KCNH4: variants seen among roughly 807,000 people sequenced by gnomAD.
KCNH4 encodes potassium voltage-gated channel subfamily H member 4.
KCNH4 carries 33 observed loss-of-function variants against 90.7 expected under a neutral mutation model. The ratio of observed to expected loss-of-function variants is 0.36; its 90% CI spans 0.28 to 0.49. KCNH4 has a LOEUF of 0.49. KCNH4 is among the 20% of genes least tolerant of loss of function. The pLI is 0.98. For synonymous variants in KCNH4, 551 were observed against 581.7 expected, an observed-to-expected ratio of 0.95 and a Z score of 0.76; for missense variants, 1,044 against 1,387.1, an observed-to-expected ratio of 0.75 and a Z score of 3.93.
intron 15 of KCNH4, among the ~76,000 whole-genome samples, chr17:42,160,735 C>A (rs55911304): frequency 6.6e-6 from 1 of 152,172 alleles, no homozygotes; most frequent in Non-Finnish European, 1.5e-5. Context: ...CCTTATTATT[C>A]TCAGCTGATC....
Position 42,178,925 on chromosome 17 carries a change from C to T in KCNH4, c.178G>A (p.Val60Ile), listed in dbSNP as rs753942989. ...CELTGYGRTE[V>I]MQKTCSCRFL... ...CGGCAGCTGCAGGTCTTCTGCATGA[C>T]CTCGGTGCGACCGTAGCCTGTGAGC... is the stretch of plus-strand genomic sequence containing the variant. Residue 60 changes from valine (V) to isoleucine (I), a missense_variant, in exon 2 of 17, where the codon GTC (valine) becomes ATC (isoleucine). By Grantham distance (29) the Val-to-Ile change is conservative. Coordinates refer to ENST00000264661, the MANE Select transcript of KCNH4 (RefSeq NM_012285.3). The T allele has an allele frequency of 2.5e-6, 4 of 1,614,238 alleles. No homozygotes were observed. The highest frequency in any genetic ancestry group is 3.4e-6 in the Non-Finnish European group (4 of 1,180,054).
intron 9 of KCNH4, 137 bp from the exon 10 acceptor site, chr17:42,166,683 A>G: frequency 9.1e-7 from 1 of 1,100,824 alleles, no homozygotes; most frequent in Non-Finnish European, 1.3e-6. Flanking sequence ...CTTCAGTACA[A>G]CCTCTGTGTC....
At position 42,166,492 on chromosome 17, in the gene KCNH4, G is replaced by T. The variant is rs1407733435; in HGVS notation, c.1645C>A (p.Arg549=). The T allele has an allele frequency of 3.1e-6, 5 of 1,614,038 alleles. No homozygotes were observed. The highest frequency in any genetic ancestry group is 1.1e-5 in the South Asian group (1 of 91,072). The change falls in exon 10 of 17, where the codon CGG becomes AGG. Residue 549 remains arginine (R), a synonymous_variant. Coordinates refer to ENST00000264661, the MANE Select transcript of KCNH4 (RefSeq NM_012285.3). ...LRADIAMHLN[R]EILQLPLFGA... The stretch of plus-strand genomic sequence containing the variant: ...AACAACGGCAGCTGCAGGATCTCCC[G>T]ATTCAGGTGCATAGCAATGTCAGCT...
In KCNH4 at chr17:42,166,441, G is replaced by A; in HGVS notation, c.1696C>T (p.Arg566Trp). Residue 566 changes from arginine to tryptophan, a missense_variant, in exon 10 of 17, where the codon CGG (arginine) becomes TGG (tryptophan). Around this residue, in one of 4 missense-constraint regions of KCNH4, gnomAD observed 318 missense variants for 479.6 expected, o/e 0.66. Coordinates refer to ENST00000264661, the MANE Select transcript of KCNH4 (RefSeq NM_012285.3). ...GTCTTGATGTGCAGCGATAGGGCCCGCAGGCAGCCCCTGCTCGCTGCCCCG... is the reference window on the plus strand; with the variant it reads ...GTCTTGATGTGCAGCGATAGGGCCCACAGGCAGCCCCTGCTCGCTGCCCCG... Reference protein sequence around the residue: ...LFGAASRGCLRALSLHIKTSF... With the variant: ...LFGAASRGCLWALSLHIKTSF... 3 of 1,614,118 alleles carry A rather than the reference G, an allele frequency of 1.9e-6. No homozygotes were observed. The highest frequency in any genetic ancestry group is 2.5e-6 in the Non-Finnish European group (3 of 1,179,980).
rs147580890 is a variant in KCNH4, at chr17:42,167,467, T to C, written c.1591-921A>G. ...TTTTAGTAGAGACGGGGTTTCACCA[T>C]GTTGGCCAGGCTGGTCTCAAACTCC... On this transcript the variant is annotated intron_variant, in intron 9 of 16. Coordinates refer to ENST00000264661, the MANE Select transcript of KCNH4 (RefSeq NM_012285.3). Among the ~76,000 whole-genome samples the C allele has an allele frequency of 7.8e-3, 1,193 of 152,240 alleles. 17 individuals carry two copies. The highest frequency in any genetic ancestry group is 0.027 in the African/African-American group (1,133 of 41,540).
chr17:42,165,345 TG>T, intron 11 of KCNH4, 103 bp downstream of exon 11: 1 of 1,414,360 alleles, frequency 7.1e-7, no homozygotes, highest in East Asian at 2.3e-5. Context: ...GCTTCAGGCA[TG>T]TGTTTTTAGG....
chr17:42,158,705 G>C (rs1450030080), intron 16 of KCNH4, among the ~76,000 whole-genome samples: 1 of 150,124 alleles, frequency 6.7e-6, no homozygotes, highest in Non-Finnish European at 1.5e-5. Flanking sequence ...TGTGGTGGCG[G>C]GCGCCTGTAG....
chr17:42,176,832 T>TGG (rs2079865627), intron 4 of KCNH4, among the ~76,000 whole-genome samples: 1 of 152,080 alleles, frequency 6.6e-6, no homozygotes, highest in Non-Finnish European at 1.5e-5. Context: ...CCCAGGCCCC[T>TGG]GTTTGAACCA....
intron 14 of KCNH4, among the ~76,000 whole-genome samples, chr17:42,162,530 T>C (rs2079756174): frequency 1.3e-5 from 2 of 152,138 alleles, no homozygotes; most frequent in South Asian, 4.1e-4. Flanking sequence ...CCCATCTTGG[T>C]ACGGAGCTTC....
intron 11 of KCNH4, among the ~76,000 whole-genome samples, 199 bp downstream of exon 11, chr17:42,165,250 C>G (rs1050053258): frequency 6.6e-6 from 1 of 151,868 alleles, no homozygotes; most frequent in Non-Finnish European, 1.5e-5. Context: ...TGAGAGACGG[C>G]CAGGGGCCTG....
In KCNH4 at chr17:42,169,987, G is replaced by A. The variant is rs1021643414; in HGVS notation, c.1390+120C>T. The A allele has an allele frequency of 6.2e-5, 66 of 1,056,112 alleles. 1 individual carries two copies. In the African/African-American group the frequency reaches 8.4e-4, roughly 13 times the overall value. 65.4% of individuals were successfully genotyped at this position (1,056,112 alleles called of 1,614,324 possible). ...TCAGGAAACGTCCGTGAATGAATGC[G>A]TGACTGTCTGGACTTGGGTAGACAC... On this transcript the variant is annotated intron_variant, in intron 8 of 16. Transcript: ENST00000264661.
chr17:42,178,009 G>C (rs993626371), intron 4 of KCNH4, 91 bp downstream of exon 4: 1 of 1,524,594 alleles, frequency 6.6e-7, no homozygotes, highest in Non-Finnish European at 8.9e-7. Context: ...AGGGACACCA[G>C]ACAGACAGGG....
chr17:42,171,826 C>A lies in KCNH4; in HGVS notation c.1157G>T (p.Arg386Leu). ...CAGCGGGTCATTGGCCTCCATCTCC[C>A]GGCGCCCGATGACATACCAGATGCA... The part of the protein sequence containing the change: ...MACIWYVIGR[R>L]EMEANDPLLW... Residue 386 changes from arginine to leucine, a missense_variant, in exon 7 of 17, where the codon CGG becomes CTG. By Grantham distance (102) the Arg-to-Leu change is moderately radical. This residue lies in a region of KCNH4 where 318 missense variants were observed against 479.6 expected (regional missense o/e 0.66). Coordinates refer to ENST00000264661, the MANE Select transcript of KCNH4 (RefSeq NM_012285.3). 6.2e-7 allele frequency: 1 copy of A among 1,614,078 alleles called. No individual in the cohort carries two copies. Among genetic ancestry groups the A allele is most frequent in the Non-Finnish European group, 8.5e-7 (1 of 1,180,010 alleles).
At chr17:42,164,786 A>AGCCAGAC (rs1480947249) in intron 11 of KCNH4, among the ~76,000 whole-genome samples, 1 of 149,364 alleles carries the variant, frequency 6.7e-6, no homozygotes. Flanking sequence ...TGGGTGACAG[A>AGCCAGAC]GCCAGACTGT....
intron 15 of KCNH4, among the ~76,000 whole-genome samples, chr17:42,160,701 G>A (rs2079740500): frequency 6.6e-6 from 1 of 152,190 alleles, no homozygotes. Context: ...TGCTCAAAGA[G>A]GCCACACATC....
intron 7 of KCNH4, 89 bp downstream of exon 7, chr17:42,171,699 A>C (rs569969077): frequency 2.7e-6 from 3 of 1,118,632 alleles, no homozygotes; most frequent in Non-Finnish European, 4.1e-6. Flanking sequence ...GGAATGTGGG[A>C]TGAGGGGTGT....
At chr17:42,176,364 A>AG in intron 4 of KCNH4, 67 bp from the exon 5 acceptor site, 1 of 1,356,216 alleles carries the variant, frequency 7.4e-7, no homozygotes, top group Non-Finnish European at 1.0e-6. Flanking sequence ...GGGGTGGGAA[A>AG]GGCAGGGGAT....
Position 42,180,852 on chromosome 17 carries a change from G to A in KCNH4, c.76+18C>T, listed in dbSNP as rs1200944589. 1.2e-6 allele frequency: 2 copies of A among 1,613,010 alleles called. No homozygotes were observed. The highest frequency in any genetic ancestry group is 1.7e-6 in the Non-Finnish European group (2 of 1,179,240). On this transcript the variant is annotated intron_variant, in intron 1 of 16. Coordinates refer to ENST00000264661, the MANE Select transcript of KCNH4 (RefSeq NM_012285.3). The surrounding 1 kb of genome is among the most constrained non-coding windows in gnomAD (Gnocchi z 4.7). Reference sequence around the variant, plus strand: ...CCCCCCAGCTCGAACCTCAAGCCCCGACCTCCGTCCCACTCACGCGTTCCG... The same window carrying A: ...CCCCCCAGCTCGAACCTCAAGCCCCAACCTCCGTCCCACTCACGCGTTCCG...
intron 14 of KCNH4, among the ~76,000 whole-genome samples, chr17:42,162,749 C>T (rs1466207945): frequency 7.2e-5 from 11 of 151,980 alleles, no homozygotes; most frequent in African/African-American, 1.9e-4. Flanking sequence ...TGCACCACCA[C>T]GCCTGGCTAA....
Sources: gnomAD v4.1 joint callset for allele counts (sites outside exome capture counted in the v4.1 genomes callset) on GRCh38, gnomAD v4.1.1 for gene constraint, gnomAD v4.1.1 regional missense constraint, Gnocchi (gnomAD v3.1) non-coding constraint, MANE v1.5 for transcripts, NCBI Gene and HGNC (gene_info 2026-07-23, HGNC 2026-07-21) for gene names.